The following ADGRG2 variants were observed in gnomAD, a reference collection of about 807,000 sequenced individuals.
ADGRG2 encodes G protein-coupled receptor 64.
A neutral mutation model predicts 74.1 loss-of-function variants in ADGRG2; 26 were observed. The observed-to-expected ratio is 0.35, with a 90% CI of 0.26 to 0.49. The LOEUF is 0.49. Ranked by LOEUF, ADGRG2 falls within the 20% of genes least tolerant of loss-of-function variation. The probability of loss-of-function intolerance (pLI) is 0.99; values close to 1 mark genes in which losing one functional copy is unlikely to be tolerated. For synonymous variants in ADGRG2, 296 were observed against 295.2 expected, an observed-to-expected ratio of 1.00 and a Z score of -0.03; for missense variants, 619 against 763.1, an observed-to-expected ratio of 0.81 and a Z score of 2.22.
chrX:19,003,572 G>A lies in ADGRG2; in HGVS notation c.1962-458C>T, dbSNP rs375327321. ...TCTGTTTGAGTATATGTGTATATGG[G>A]GTGGGGGGGAGCTTAAAACCAACAA... On this transcript the variant is annotated intron_variant, in intron 23 of 28. Coordinates refer to ENST00000379869, the MANE Select transcript of ADGRG2 (RefSeq NM_001079858.3). Among the ~76,000 whole-genome samples the A allele has an allele frequency of 4.5e-3, 504 of 111,181 alleles. 4 individuals carry two copies. The highest frequency in any genetic ancestry group is 0.015 in the African/African-American group (466 of 30,537).
At chrX:18,999,546 A>T (rs905667337) in intron 25 of ADGRG2, among the ~76,000 whole-genome samples, 3 of 112,099 alleles carry the variant, frequency 2.7e-5, no homozygotes, top group African/African-American at 9.7e-5. Flanking sequence ...TGTAAATCCT[A>T]GCAACTCTGT....
intron 3 of ADGRG2, among the ~76,000 whole-genome samples, chrX:19,067,707 C>A (rs1310676867): frequency 8.9e-6 from 1 of 111,895 alleles, no homozygotes; most frequent in East Asian, 2.8e-4. Context: ...AAACACCCCA[C>A]AGAATGGGAG....
intron 3 of ADGRG2, among the ~76,000 whole-genome samples, chrX:19,051,836 C>T (rs970699008): frequency 8.9e-6 from 1 of 111,886 alleles, no homozygotes; most frequent in Non-Finnish European, 1.9e-5. Flanking sequence ...GAGGATCCAG[C>T]CCTCAGCCAA....
intron 3 of ADGRG2, among the ~76,000 whole-genome samples, chrX:19,048,694 A>C (rs6629310): frequency 0.49 from 54,755 of 111,037 alleles, 11,716 homozygotes; most frequent in Non-Finnish European, 0.66. Flanking sequence ...AGTGCCTCTG[A>C]AACTAGACAC....
intron 3 of ADGRG2, among the ~76,000 whole-genome samples, chrX:19,063,919 C>T (rs1421058858): frequency 2.7e-5 from 3 of 111,562 alleles, no homozygotes; most frequent in African/African-American, 9.8e-5. Flanking sequence ...GGGGTGAATC[C>T]GGAAATGGGC....
At chrX:19,026,786 G>A (rs183497732) in intron 11 of ADGRG2, among the ~76,000 whole-genome samples, 172 of 111,264 alleles carry the variant, frequency 1.5e-3, no homozygotes, top group African/African-American at 5.2e-3. Context: ...GTTAGCCACC[G>A]CACCCGGCCA....
In ADGRG2 at chrX:18,991,066, A is replaced by G. The variant is rs759123897; in HGVS notation, c.2870-18T>C. ...AGCATTTCCTGTATAAGGAAACACA[A>G]AGCGGGTGGCATGAAGTATCCACAG... On this transcript the variant is annotated intron_variant, in intron 28 of 28. Transcript: ENST00000379869. The G allele has an allele frequency of 4.7e-6, 5 of 1,067,359 alleles. No homozygotes were observed. The African/African-American group carries it at 9.3e-5, about 20-fold the overall frequency. 88.0% of individuals were successfully genotyped at this position (1,067,359 alleles called of 1,213,427 possible).
At chrX:19,053,173 C>T (rs1478449350) in intron 3 of ADGRG2, among the ~76,000 whole-genome samples, 1 of 111,018 alleles carries the variant, frequency 9.0e-6, no homozygotes, top group Non-Finnish European at 1.9e-5. Context: ...TGACACAGAA[C>T]AATATTTTTT....
intron 3 of ADGRG2, among the ~76,000 whole-genome samples, chrX:19,047,496 GTAC>G (rs2061217767): frequency 8.9e-6 from 1 of 111,966 alleles, no homozygotes; most frequent in African/African-American, 3.2e-5. Context: ...TATGATTGTG[GTAC>G]TACTATGAGT....
intron 1 of ADGRG2, among the ~76,000 whole-genome samples, chrX:19,108,115 AAAAAAAG>A (rs1406422723): frequency 9.1e-6 from 1 of 109,424 alleles, no homozygotes. Flanking sequence ...AAAAAAAAAA[AAAAAAAG>A]AAAAAAGAAA....
At chrX:19,100,916 G>A (rs958241952) in intron 1 of ADGRG2, among the ~76,000 whole-genome samples, 13 of 113,199 alleles carry the variant, frequency 1.1e-4, no homozygotes, top group Admixed American at 1.0e-3. Context: ...GCGATTCCTC[G>A]CGGGCAAAGG....
intron 1 of ADGRG2, among the ~76,000 whole-genome samples, chrX:19,087,081 G>A (rs1325731049): frequency 1.8e-5 from 2 of 111,656 alleles, no homozygotes; most frequent in African/African-American, 6.5e-5. Context: ...GGTAGGTATT[G>A]CCATCGAGGA....
At chrX:18,992,033 C>T (rs758726535) in intron 28 of ADGRG2, among the ~76,000 whole-genome samples, 51 of 111,590 alleles carry the variant, frequency 4.6e-4, no homozygotes, top group South Asian at 1.5e-3. Context: ...ATGTTGCTTC[C>T]AAACTGTGAT....
At chrX:19,040,977 T>C (rs1324451645) in intron 3 of ADGRG2, among the ~76,000 whole-genome samples, 9 of 111,238 alleles carry the variant, frequency 8.1e-5, no homozygotes, top group Non-Finnish European at 1.1e-4. Flanking sequence ...TATATGCATG[T>C]GTTTATATGT....
At chrX:19,065,292 AAAAG>A (rs1467648267) in intron 3 of ADGRG2, among the ~76,000 whole-genome samples, 2 of 101,930 alleles carry the variant, frequency 2.0e-5, no homozygotes, top group Non-Finnish European at 4.0e-5. Flanking sequence ...AAAAGTAAAG[AAAAG>A]AAAGAAAAAG....
At chrX:19,079,295 C>T (rs747624908) in intron 2 of ADGRG2, among the ~76,000 whole-genome samples, 1 of 112,099 alleles carries the variant, frequency 8.9e-6, no homozygotes, top group East Asian at 2.8e-4. Flanking sequence ...CAAAACCAGA[C>T]AAGGAAAGTC....
chrX:19,010,578 C>T (rs1251424367), intron 17 of ADGRG2, 35 bp downstream of exon 17: 2 of 1,140,684 alleles, frequency 1.8e-6, no homozygotes, highest in Non-Finnish European at 2.4e-6. Flanking sequence ...TTGGAGGGTC[C>T]CCTCTTACCA....
chrX:19,050,360 AG>A (rs201495320), intron 3 of ADGRG2, among the ~76,000 whole-genome samples: 2,649 of 111,779 alleles, frequency 0.024, 41 homozygotes, highest in Middle Eastern at 0.041. Flanking sequence ...ACAGCTGAGC[AG>A]GCTGCCAGGG....
At chrX:19,117,030 G>A (rs1171148921) in intron 1 of ADGRG2, among the ~76,000 whole-genome samples, 2 of 111,967 alleles carry the variant, frequency 1.8e-5, no homozygotes, top group African/African-American at 3.2e-5. Context: ...GATGGCTCAC[G>A]CCCGTAATCC....
Sources: gnomAD v4.1 joint callset for allele counts (sites outside exome capture counted in the v4.1 genomes callset) on GRCh38, gnomAD v4.1.1 for gene constraint, MANE v1.5 for transcripts, NCBI Gene and HGNC (gene_info 2026-07-23, HGNC 2026-07-21) for gene names.